The following CDC37L1 variants were observed in gnomAD, a reference collection of about 807,000 sequenced individuals.
CDC37L1 encodes hsp90 co-chaperone Cdc37-like 1.
CDC37L1 carries 32 observed loss-of-function variants against 45.9 expected under a neutral mutation model. The observed-to-expected ratio is 0.70, with a 90% CI of 0.53 to 0.94. The LOEUF (loss-of-function observed/expected upper bound fraction) is 0.94, where lower values mean the gene tolerates loss of function less well. Among genes scored for constraint, CDC37L1 ranks in the 40% least tolerant of loss-of-function variants. CDC37L1 has a pLI of 0.00. For missense variants in CDC37L1, 434 were observed against 405.7 expected (o/e 1.07, Z -0.60); for synonymous variants, 150 against 133.0 (o/e 1.13, Z -0.88).
At chr9:4,700,947 T>G (rs752837214) in intron 5 of CDC37L1, among the ~76,000 whole-genome samples, 12 of 152,230 alleles carry the variant, frequency 7.9e-5, no homozygotes, top group Non-Finnish European at 1.8e-4. Context: ...TATTACATAC[T>G]CTGTGTCCAC....
At chr9:4,705,970 G>A (rs369270745) in intron 6 of CDC37L1, 41 bp from the exon 7 acceptor site, 255 of 956,046 alleles carry the variant, frequency 2.7e-4, no homozygotes, top group Non-Finnish European at 3.8e-4. Context: ...GTTATAATGC[G>A]TTCTTTTTCT....
At chr9:4,694,512 TA>T (rs551423913) in intron 3 of CDC37L1, among the ~76,000 whole-genome samples, 39 of 150,484 alleles carry the variant, frequency 2.6e-4, no homozygotes, top group African/African-American at 6.8e-4. Flanking sequence ...TTCTCAGATT[TA>T]AAAAAAAAAT....
chr9:4,702,338 T>G (rs1358193700), intron 6 of CDC37L1, among the ~76,000 whole-genome samples: 1 of 152,208 alleles, frequency 6.6e-6, no homozygotes, highest in Non-Finnish European at 1.5e-5. Flanking sequence ...CTCAGGAGCT[T>G]CCTTAAAACA....
intron 2 of CDC37L1, chr9:4,685,586 G>A (rs146574446): frequency 2.3e-4 from 36 of 159,086 alleles, no homozygotes; most frequent in Non-Finnish European, 4.6e-4. Flanking sequence ...GGAAAAATAA[G>A]TAGAGTGACT....
chr9:4,705,952 T>G (rs1256505972), intron 6 of CDC37L1, 59 bp from the exon 7 acceptor site: 3 of 800,510 alleles, frequency 3.7e-6, no homozygotes, highest in East Asian at 2.5e-5. Flanking sequence ...TGTACTGTCA[T>G]AAAACTGGTT....
At chr9:4,693,179 T>C (rs1267235111) in intron 3 of CDC37L1, among the ~76,000 whole-genome samples, 1 of 151,894 alleles carries the variant, frequency 6.6e-6, no homozygotes, top group Non-Finnish European at 1.5e-5. Flanking sequence ...ATAGTGGTTC[T>C]GCCTGTAATC....
At chr9:4,697,925 C>G (rs912444494) in intron 5 of CDC37L1, 46 bp downstream of exon 5, 8 of 1,584,966 alleles carry the variant, frequency 5.0e-6, no homozygotes, top group Non-Finnish European at 6.1e-6. Context: ...TTGGTCCCAG[C>G]TGAGACCTCT....
chr9:4,685,403 C>A, intron 2 of CDC37L1: 1 of 355,198 alleles, frequency 2.8e-6, no homozygotes. Context: ...TACTGCTGAA[C>A]AAATATTACA....
At chr9:4,699,686 C>G (rs1340954481) in intron 5 of CDC37L1, among the ~76,000 whole-genome samples, 2 of 151,866 alleles carry the variant, frequency 1.3e-5, no homozygotes, top group African/African-American at 2.4e-5. Context: ...ACAAAAGTTA[C>G]AATAATGATA....
intron 6 of CDC37L1, among the ~76,000 whole-genome samples, chr9:4,704,777 A>G (rs562066085): frequency 6.6e-6 from 1 of 152,296 alleles, no homozygotes; most frequent in South Asian, 2.1e-4. Context: ...TAAGCCAAAT[A>G]CCATTCATTA....
chr9:4,689,220 C>T (rs557006165), intron 3 of CDC37L1, among the ~76,000 whole-genome samples: 7 of 152,046 alleles, frequency 4.6e-5, no homozygotes, highest in Admixed American at 1.3e-4. Context: ...CAGCATGAGA[C>T]GGGCAGTTAG....
intron 2 of CDC37L1, among the ~76,000 whole-genome samples, chr9:4,687,994 T>C (rs1485264921): frequency 2.0e-5 from 3 of 152,158 alleles, no homozygotes; most frequent in African/African-American, 7.2e-5. Flanking sequence ...TATCCACACA[T>C]ATATCGTATG....
rs752230524 is a variant in CDC37L1, at chr9:4,706,161, A to G, written c.*49A>G. 1 of 919,698 alleles carries G rather than the reference A, an allele frequency of 1.1e-6. No individual in the cohort carries two copies. Among genetic ancestry groups the G allele is most frequent in the African/African-American group, 1.6e-5 (1 of 60,934 alleles). The allele number at this position is 919,698 out of a possible 1,614,324, so 57.0% of individuals were successfully genotyped here. A position where few individuals can be genotyped will look rare whatever the true frequency, so the allele number is the denominator to read the frequency against. The stretch of plus-strand genomic sequence containing the variant: ...AGTGCTATTTTGTTACAAGAAAGGA[A>G]GAACTTGGCTATTTTCTTGACACTT... On this transcript the variant is annotated 3_prime_UTR_variant, in exon 7 of 7. Coordinates refer to ENST00000381854, the MANE Select transcript of CDC37L1 (RefSeq NM_017913.4).
Position 4,706,568 on chromosome 9 carries a change from C to T in CDC37L1, c.*456C>T, listed in dbSNP as rs532213892. The T allele has an allele frequency of 6.5e-6, 1 of 152,926 alleles. No homozygotes were observed. Among genetic ancestry groups the T allele is most frequent in the East Asian group, 1.9e-4 (1 of 5,186 alleles). The allele number at this position is 152,926 out of a possible 1,614,324, so 9.5% of individuals were successfully genotyped here. On this transcript the variant is annotated 3_prime_UTR_variant, in exon 7 of 7. Coordinates refer to ENST00000381854, the MANE Select transcript of CDC37L1 (RefSeq NM_017913.4). ...ACTTTAGCTGTCAAATTTGGTGTTT[C>T]ATCACATTAAAAGCAATAAATCAGT...
chr9:4,707,017 T>C lies in CDC37L1; in HGVS notation c.*905T>C, dbSNP rs1841449615. ...TGTTATTTTGGTTTATTTTTTGATGTAGCCTTTTAAAAAAGGAGTCTTAAA... is the reference window on the plus strand; with the variant it reads ...TGTTATTTTGGTTTATTTTTTGATGCAGCCTTTTAAAAAAGGAGTCTTAAA... On this transcript the variant is annotated 3_prime_UTR_variant, in exon 7 of 7. Coordinates refer to ENST00000381854, the MANE Select transcript of CDC37L1 (RefSeq NM_017913.4). 6.7e-6 allele frequency: 1 copy of C among 149,548 alleles called. No individual in the cohort carries two copies. Among genetic ancestry groups the C allele is most frequent in the Non-Finnish European group, 1.5e-5 (1 of 67,778 alleles). The allele number at this position is 149,548 out of a possible 1,614,324, so 9.3% of individuals were successfully genotyped here.
At chr9:4,696,791 G>T (rs570691497) in intron 3 of CDC37L1, among the ~76,000 whole-genome samples, 1 of 152,220 alleles carries the variant, frequency 6.6e-6, no homozygotes, top group African/African-American at 2.4e-5. Flanking sequence ...CCAAGACTGC[G>T]GGCATTCATG....
chr9:4,702,653 A>AG (rs895919673), intron 6 of CDC37L1, among the ~76,000 whole-genome samples: 3 of 152,014 alleles, frequency 2.0e-5, no homozygotes, highest in African/African-American at 7.2e-5. Flanking sequence ...AGGCCGAGAC[A>AG]GGCAGATCAC....
chr9:4,703,814 A>G (rs775474219), intron 6 of CDC37L1, among the ~76,000 whole-genome samples: 23 of 152,226 alleles, frequency 1.5e-4, no homozygotes, highest in African/African-American at 5.3e-4. Flanking sequence ...GGTGCTAGGC[A>G]TCCCTTATAG....
intron 3 of CDC37L1, among the ~76,000 whole-genome samples, chr9:4,693,705 C>T (rs1841322024): frequency 6.6e-6 from 1 of 152,158 alleles, no homozygotes; most frequent in Non-Finnish European, 1.5e-5. Flanking sequence ...GTTTAAATGA[C>T]TGTATTATCC....
Sources: gnomAD v4.1 joint callset for allele counts (sites outside exome capture counted in the v4.1 genomes callset) on GRCh38, gnomAD v4.1.1 for gene constraint, MANE v1.5 for transcripts, NCBI Gene and HGNC (gene_info 2026-07-23, HGNC 2026-07-21) for gene names.